Variants in KCTD15 observed in about 807,000 individuals in gnomAD.
KCTD15 encodes the protein potassium channel tetramerization domain containing 15.
A neutral mutation model predicts 27.2 loss-of-function variants in KCTD15; 11 were observed. The ratio of observed to expected loss-of-function variants is 0.41; its 90% confidence interval spans 0.25 to 0.67. The LOEUF (loss-of-function observed/expected upper bound fraction) is 0.67. Ranked by LOEUF, KCTD15 falls within the 30% of genes least tolerant of loss-of-function variation. The pLI, the probability that KCTD15 is intolerant of heterozygous loss-of-function variation, is 0.35. For synonymous variants in KCTD15, 163 were observed against 176.0 expected, an observed-to-expected ratio of 0.93 and a Z score of 0.58; for missense variants, 350 against 409.3, an observed-to-expected ratio of 0.86 and a Z score of 1.25.
chr19:33,800,180 AAC>A (rs1452751294), intron 2 of KCTD15, among the ~76,000 whole-genome samples: 7 of 151,740 alleles, frequency 4.6e-5, no homozygotes, highest in Admixed American at 6.6e-5. Context: ...CTGCCCAGAA[AAC>A]ACATGTGTGA....
intron 5 of KCTD15, among the ~76,000 whole-genome samples, chr19:33,810,669 C>CA (rs746726556): frequency 7.3e-4 from 78 of 107,094 alleles, no homozygotes; most frequent in African/African-American, 2.5e-3. Flanking sequence ...TCTCAAAAAA[C>CA]AAAAACAAAA....
At chr19:33,794,240 T>C (rs1975260208), upstream of KCTD15, among the ~76,000 whole-genome samples, 2 of 152,226 alleles carry the variant, frequency 1.3e-5, no homozygotes, top group African/African-American at 4.8e-5. Flanking sequence ...CTCATGGCCT[T>C]GAGGCAAAGA....
intron 3 of KCTD15, 85 bp downstream of exon 3, chr19:33,800,605 T>C: frequency 7.9e-7 from 1 of 1,267,630 alleles, no homozygotes; most frequent in Non-Finnish European, 1.1e-6. Context: ...CTGTCCTTCC[T>C]TGGGACCATG....
intron 2 of KCTD15, among the ~76,000 whole-genome samples, chr19:33,799,357 A>G (rs1308489369): frequency 6.6e-6 from 1 of 152,232 alleles, no homozygotes; most frequent in Non-Finnish European, 1.5e-5. Flanking sequence ...AAGAATTTCA[A>G]GTGGTTTCTC....
At position 33,813,835 on chromosome 19, in the gene KCTD15, G is replaced by A. The variant is rs73929806; in HGVS notation, c.*887G>A. The stretch of plus-strand genomic sequence containing the variant: ...AGCGTCTTCTAGGTCCCCAGCTCAG[G>A]GAGCCATCCCCAGCTCCAGTTTTCT... On this transcript the variant is annotated 3_prime_UTR_variant, in exon 7 of 7. Transcript: ENST00000683859. 0.014 allele frequency: 2,250 copies of A among 157,546 alleles called. 52 individuals carry two copies. Among genetic ancestry groups the A allele is most frequent in the African/African-American group, 0.052 (2,142 of 41,580 alleles). The allele number at this position is 157,546 out of a possible 1,614,324, so 9.8% of individuals were successfully genotyped here. A position where few individuals can be genotyped will look rare whatever the true frequency, so the allele number is the denominator to read the frequency against.
intron 4 of KCTD15, among the ~76,000 whole-genome samples, chr19:33,802,024 G>A (rs1182370019): frequency 6.6e-6 from 1 of 152,190 alleles, no homozygotes; most frequent in Non-Finnish European, 1.5e-5. Flanking sequence ...TGAACTTATA[G>A]GCTGCCCAGG....
At chr19:33,806,794 C>A in intron 4 of KCTD15, 69 bp from the exon 5 acceptor site, 1 of 1,555,634 alleles carries the variant, frequency 6.4e-7, no homozygotes. Flanking sequence ...GGAGTGGGGG[C>A]GGGGTGTGGG....
At position 33,813,585 on chromosome 19, in the gene KCTD15, G is replaced by C. The variant is rs141663884; in HGVS notation, c.*637G>C. On this transcript the variant is annotated 3_prime_UTR_variant, in exon 7 of 7. Transcript: ENST00000683859. ...GCTGGGAGGAGAGTGGTGGGGGCCT[G>C]AGGGCTGAGTGATTCTGTAACCACC... 2.8e-6 allele frequency: 1 copy of C among 353,054 alleles called. No homozygotes were observed. Among genetic ancestry groups the C allele is most frequent in the African/African-American group, 2.2e-5 (1 of 46,278 alleles). The allele number at this position is 353,054 out of a possible 1,614,324, so 21.9% of individuals were successfully genotyped here.
chr19:33,810,034 G>A (rs1402354749), intron 5 of KCTD15, among the ~76,000 whole-genome samples: 4 of 152,240 alleles, frequency 2.6e-5, no homozygotes, highest in Admixed American at 2.6e-4. Context: ...CCTCCAGGCG[G>A]CCAGCAGGTG....
rs937645040 is a variant in KCTD15 at position 33,811,471 on chromosome 19, C to T, written c.612C>T (p.Ser204=). 6.2e-6 allele frequency: 10 copies of T among 1,612,830 alleles called. No homozygotes were observed. The highest frequency in any genetic ancestry group is 7.6e-6 in the Non-Finnish European group (9 of 1,179,812). ...AGACCGGAGACGTCATGTGCAACTC[C>T]GTCAACGCCGGCTGGAACCAGGACC... ...FPETGDVMCN[S]VNAGWNQDPT... is the part of the protein sequence containing the mutation. The change falls in exon 6 of 7, where the codon TCC becomes TCT. Residue 204 remains serine, a synonymous_variant. Coordinates refer to ENST00000683859, the MANE Select transcript of KCTD15 (RefSeq NM_001129994.2).
rs1975993227 is a variant in KCTD15 at position 33,813,373 on chromosome 19, A to T, written c.*425A>T. The T allele has an allele frequency of 2.1e-6, 1 of 466,446 alleles. No homozygotes were observed. The highest frequency in any genetic ancestry group is 4.3e-6 in the Non-Finnish European group (1 of 233,998). The allele number at this position is 466,446 out of a possible 1,614,324, so 28.9% of individuals were successfully genotyped here. A position where few individuals can be genotyped will look rare whatever the true frequency, so the allele number is the denominator to read the frequency against. On this transcript the variant is annotated 3_prime_UTR_variant, in exon 7 of 7. Coordinates refer to ENST00000683859, the MANE Select transcript of KCTD15 (RefSeq NM_001129994.2). The stretch of plus-strand genomic sequence containing the variant: ...ATGGCTTATTTTCTACAGTATTTAA[A>T]ATGGATGCAGCCCTAACTGCAAAAG...
At chr19:33,800,588 T>A in intron 3 of KCTD15, 68 bp downstream of exon 3, 3 of 1,377,400 alleles carry the variant, frequency 2.2e-6, no homozygotes, top group Non-Finnish European at 3.0e-6. Flanking sequence ...CAGTGCCTGT[T>A]TACTGGCTGT....
chr19:33,805,590 C>A (rs960541041), intron 4 of KCTD15, among the ~76,000 whole-genome samples: 1 of 152,168 alleles, frequency 6.6e-6, no homozygotes, highest in African/African-American at 2.4e-5. Context: ...AAGCCTAGGT[C>A]CCAAGTTGGA....
chr19:33,805,782 TC>T (rs1385374351), intron 4 of KCTD15, among the ~76,000 whole-genome samples: 3 of 152,174 alleles, frequency 2.0e-5, no homozygotes, highest in Non-Finnish European at 4.4e-5. Flanking sequence ...TTCCTAGTTA[TC>T]CCTAGCTCGA....
In KCTD15 at chr19:33,806,020, C is replaced by G. The variant is rs539250445; in HGVS notation, c.243-843C>G. Among the ~76,000 whole-genome samples the G allele has an allele frequency of 6.4e-4, 98 of 152,344 alleles. 1 individual carries two copies. Among genetic ancestry groups the G allele is most frequent in the Admixed American group, 4.4e-3 (68 of 15,312 alleles). ...CTTCTCTCCAGTCCCCATCCGCCACCACTAGGTGTGGTGTGCATACGCTCT... is the reference window on the plus strand; with the variant it reads ...CTTCTCTCCAGTCCCCATCCGCCACGACTAGGTGTGGTGTGCATACGCTCT... On this transcript the variant is annotated intron_variant, in intron 4 of 6. Coordinates refer to ENST00000683859, the MANE Select transcript of KCTD15 (RefSeq NM_001129994.2).
At position 33,813,289 on chromosome 19, in the gene KCTD15, G is replaced by A. The variant is rs1975989618; in HGVS notation, c.*341G>A. The A allele has an allele frequency of 1.7e-6, 1 of 574,680 alleles. No individual in the cohort carries two copies. The highest frequency in any genetic ancestry group is 1.8e-5 in the African/African-American group (1 of 54,274). 35.6% of individuals were successfully genotyped at this position (574,680 alleles called of 1,614,324 possible). On this transcript the variant is annotated 3_prime_UTR_variant, in exon 7 of 7. Coordinates refer to ENST00000683859, the MANE Select transcript of KCTD15 (RefSeq NM_001129994.2). ...AGAGCCGTCTGCAGCTACTTCAGAG[G>A]AGCTGTTTATCCCTCTCCACGCGGG... is the stretch of plus-strand genomic sequence containing the variant.
At chr19:33,807,043 G>A (rs780565236) in intron 5 of KCTD15, 36 bp downstream of exon 5, 27 of 1,606,254 alleles carry the variant, frequency 1.7e-5, no homozygotes, top group Non-Finnish European at 2.3e-5. Context: ...TGCACTGCCT[G>A]TGTGATGGCA....
At chr19:33,812,724 CT>C in intron 6 of KCTD15, 65 bp from the exon 7 acceptor site, 1 of 1,399,140 alleles carries the variant, frequency 7.1e-7, no homozygotes, top group Non-Finnish European at 9.3e-7. Flanking sequence ...ACCCACCTCC[CT>C]GCCAGGCCAA....
intron 1 of KCTD15, among the ~76,000 whole-genome samples, chr19:33,797,247 G>GGTGTGTGTGTGTGTGTGT (rs751185346): frequency 8.3e-5 from 10 of 120,712 alleles, no homozygotes; most frequent in Admixed American, 4.1e-4. Context: ...CCTGCCGCGC[G>GGTGTGTGTGTGTGTGTGT]GTGTGTGTGT....
Sources: gnomAD v4.1 joint callset for allele counts (sites outside exome capture counted in the v4.1 genomes callset) on GRCh38, gnomAD v4.1.1 for gene constraint, MANE v1.5 for transcripts, NCBI Gene and HGNC (gene_info 2026-07-23, HGNC 2026-07-21) for gene names.